The following XKR4 variants were observed in gnomAD, a reference collection of about 807,000 sequenced individuals.
XKR4 encodes the protein XK related 4, also known as XK-related protein 4.
Under a neutral mutation model 53.9 loss-of-function variants are expected in XKR4, and 12 were observed. The ratio of observed to expected loss-of-function variants is 0.22; its 90% CI spans 0.14 to 0.36. XKR4 has a LOEUF of 0.36. Ranked by LOEUF, XKR4 falls within the 10% of genes least tolerant of loss-of-function variation. The pLI, the probability that XKR4 is intolerant of heterozygous loss-of-function variation, is 1.00. For missense variants in XKR4, 799 were observed against 859.5 expected, an observed-to-expected ratio of 0.93 and a Z score of 0.88; for synonymous variants, 354 against 362.4, an observed-to-expected ratio of 0.98 and a Z score of 0.26.
chr8:55,498,878 T>A (rs917086396), intron 2 of XKR4, among the ~76,000 whole-genome samples: 1 of 152,222 alleles, frequency 6.6e-6, no homozygotes, highest in African/African-American at 2.4e-5. Flanking sequence ...CCAAATTTTC[T>A]GAAAAACTGA....
intron 2 of XKR4, among the ~76,000 whole-genome samples, chr8:55,359,345 A>T (rs1284254416): frequency 6.6e-6 from 1 of 152,218 alleles, no homozygotes; most frequent in South Asian, 2.1e-4. Context: ...GCTCAAATGT[A>T]AAGGTCGCAA....
intron 1 of XKR4, among the ~76,000 whole-genome samples, chr8:55,143,807 A>G (rs1816736319): frequency 6.6e-6 from 1 of 152,228 alleles, no homozygotes; most frequent in African/African-American, 2.4e-5. Context: ...CGGGCATGTC[A>G]GTACACTAAG....
chr8:55,304,229 G>A (rs200786459), intron 1 of XKR4, among the ~76,000 whole-genome samples: 1 of 152,034 alleles, frequency 6.6e-6, no homozygotes, highest in Non-Finnish European at 1.5e-5. Context: ...AAAGAACATC[G>A]TTATTTCTGC....
chr8:55,276,136 G>A (rs1470728844), intron 1 of XKR4, among the ~76,000 whole-genome samples: 1 of 152,182 alleles, frequency 6.6e-6, no homozygotes, highest in Non-Finnish European at 1.5e-5. Flanking sequence ...TGCATCCCTA[G>A]TAATAGAACT....
At chr8:55,291,782 T>C (rs1819024673) in intron 1 of XKR4, among the ~76,000 whole-genome samples, 1 of 152,184 alleles carries the variant, frequency 6.6e-6, no homozygotes, top group Admixed American at 6.5e-5. Flanking sequence ...ATTTTCTATG[T>C]AGACAATCAT....
At position 55,265,202 on chromosome 8, in the gene XKR4, C is replaced by A. The variant is rs369690954; in HGVS notation, c.807-92476C>A. Among the ~76,000 whole-genome samples, 15 of 152,288 alleles carry A rather than the reference C, an allele frequency of 9.8e-5. No homozygotes were observed. The South Asian group carries it at 1.9e-3, about 19-fold the overall frequency. ...GAATCCCATTCCTGGTGAAGATGCA[C>A]CATCATCAGGACCACTAGCAGTGTC... On this transcript the variant is annotated intron_variant, in intron 1 of 2. Transcript: ENST00000327381.
chr8:55,431,946 G>A (rs1360410027), intron 2 of XKR4, among the ~76,000 whole-genome samples: 2 of 152,094 alleles, frequency 1.3e-5, no homozygotes, highest in Non-Finnish European at 2.9e-5. Flanking sequence ...ATAATATTAC[G>A]GGTTATAGCA....
At chr8:55,148,769 G>A (rs1386792399) in intron 1 of XKR4, among the ~76,000 whole-genome samples, 1 of 152,038 alleles carries the variant, frequency 6.6e-6, no homozygotes, top group Non-Finnish European at 1.5e-5. Flanking sequence ...TGGTCAATTA[G>A]CTCAAGTGGA....
At chr8:55,514,292 T>A (rs912921456) in intron 2 of XKR4, among the ~76,000 whole-genome samples, 2 of 149,456 alleles carry the variant, frequency 1.3e-5, no homozygotes, top group Admixed American at 1.3e-4. Flanking sequence ...CACTCACTCT[T>A]GTCACCCAGG....
intron 2 of XKR4, among the ~76,000 whole-genome samples, chr8:55,471,869 C>A (rs1467683563): frequency 6.6e-6 from 1 of 152,128 alleles, no homozygotes; most frequent in African/African-American, 2.4e-5. Context: ...CCTGAGGCCT[C>A]CCCAGAAGCA....
rs778397696 is a variant in XKR4 at position 55,102,947 on chromosome 8, G to T, written c.459G>T (p.Val153=). 1 of 1,611,494 alleles carries T rather than the reference G, an allele frequency of 6.2e-7. No individual in the cohort carries two copies. Among genetic ancestry groups the T allele is most frequent in the South Asian group, 1.1e-5 (1 of 91,054 alleles). The change falls in exon 1 of 3, where the codon GTG becomes GTT. Residue 153 remains valine (V), a synonymous_variant. Coordinates refer to ENST00000327381, the MANE Select transcript of XKR4 (RefSeq NM_052898.2). This position sits in a 1 kb window ranked among gnomAD's most constrained non-coding sequence, Gnocchi z 5.1. ...WWFGLTLFFV[V]LGSLSVQVFS... is the part of the protein sequence containing the mutation. ...TCGGGCTCACGCTCTTCTTCGTGGT[G>T]CTCGGCTCTCTGTCGGTGCAAGTGT...
At chr8:55,265,799 T>G (rs528056570) in intron 1 of XKR4, among the ~76,000 whole-genome samples, 1 of 151,392 alleles carries the variant, frequency 6.6e-6, no homozygotes, top group South Asian at 2.1e-4. Flanking sequence ...GTCAACATGG[T>G]GAAACCATGT....
chr8:55,217,649 A>G (rs1193380393), intron 1 of XKR4, among the ~76,000 whole-genome samples: 1 of 152,248 alleles, frequency 6.6e-6, no homozygotes, highest in Non-Finnish European at 1.5e-5. Context: ...ATTGACAACT[A>G]AAAAGAGTTG....
intron 1 of XKR4, among the ~76,000 whole-genome samples, chr8:55,250,202 GC>G (rs1445413065): frequency 6.6e-6 from 1 of 152,194 alleles, no homozygotes; most frequent in Non-Finnish European, 1.5e-5. Context: ...TTCCGAGACA[GC>G]TAAAGGATAG....
At chr8:55,138,817 G>A (rs1816664012) in intron 1 of XKR4, among the ~76,000 whole-genome samples, 1 of 152,214 alleles carries the variant, frequency 6.6e-6, no homozygotes, top group African/African-American at 2.4e-5. Context: ...TTATTTTTTT[G>A]GAGATGAGAG....
intron 1 of XKR4, among the ~76,000 whole-genome samples, chr8:55,185,965 T>A (rs1585926171): frequency 6.6e-6 from 1 of 152,128 alleles, no homozygotes; most frequent in Non-Finnish European, 1.5e-5. Flanking sequence ...AAATTGATCA[T>A]AAAAAATCAT....
At chr8:55,234,156 A>G (rs1818087527) in intron 1 of XKR4, among the ~76,000 whole-genome samples, 1 of 152,196 alleles carries the variant, frequency 6.6e-6, no homozygotes, top group Non-Finnish European at 1.5e-5. Context: ...TGCAGCTTTC[A>G]ATTTCACACT....
At chr8:55,248,702 A>G (rs1293683133) in intron 1 of XKR4, among the ~76,000 whole-genome samples, 2 of 152,118 alleles carry the variant, frequency 1.3e-5, no homozygotes, top group African/African-American at 4.8e-5. Flanking sequence ...ATATAAGCAG[A>G]TTTATGTTTC....
intron 1 of XKR4, among the ~76,000 whole-genome samples, chr8:55,283,532 T>C (rs1251597116): frequency 6.6e-6 from 1 of 152,218 alleles, no homozygotes; most frequent in African/African-American, 2.4e-5. Context: ...ATGTCAGCAG[T>C]GACTTTGATT....
Sources: gnomAD v4.1 joint callset for allele counts (sites outside exome capture counted in the v4.1 genomes callset) on GRCh38, gnomAD v4.1.1 for gene constraint, Gnocchi (gnomAD v3.1) non-coding constraint, MANE v1.5 for transcripts, NCBI Gene and HGNC (gene_info 2026-07-23, HGNC 2026-07-21) for gene names.